SPAG16: variants seen among roughly 807,000 people sequenced by gnomAD.
SPAG16 encodes sperm associated antigen 16.
In SPAG16, 86 loss-of-function variants were observed where a neutral mutation model predicts 80.4. The ratio of observed to expected loss-of-function variants is 1.07; its 90% confidence interval spans 0.90 to 1.28. SPAG16 has a LOEUF of 1.28. Ranked by LOEUF, SPAG16 falls within the 50% of genes most tolerant of loss-of-function variation. The pLI, the probability that SPAG16 is intolerant of heterozygous loss-of-function variation, is 0.00. For missense variants in SPAG16, 870 were observed against 765.3 expected (o/e 1.14, Z -1.61); for synonymous variants, 294 against 265.9 (o/e 1.11, Z -1.03).
chr2:213,517,192 G>A (rs1438966729), intron 10 of SPAG16, among the ~76,000 whole-genome samples: 1 of 152,056 alleles, frequency 6.6e-6, no homozygotes. Flanking sequence ...CAAATCAAGA[G>A]CATGATAACA....
In SPAG16 at chr2:214,272,541, G is replaced by A. The variant is rs183329195; in HGVS notation, c.1720+123275G>A. Among the ~76,000 whole-genome samples the A allele has an allele frequency of 5.1e-3, 771 of 152,186 alleles. 5 individuals are homozygous for A. Among genetic ancestry groups the A allele is most frequent in the African/African-American group, 0.017 (720 of 41,534 alleles). On this transcript the variant is annotated intron_variant, in intron 15 of 15. Coordinates refer to ENST00000331683, the MANE Select transcript of SPAG16 (RefSeq NM_024532.5). ...CCACCTATGAGTGAGAACATGCGGCGTTTGGTTTTCTGTGCTTGTGTTAGT... is the reference window on the plus strand; with the variant it reads ...CCACCTATGAGTGAGAACATGCGGCATTTGGTTTTCTGTGCTTGTGTTAGT...
At chr2:214,391,079 CCTGA>C (rs1701055343) in intron 15 of SPAG16, among the ~76,000 whole-genome samples, 1 of 152,124 alleles carries the variant, frequency 6.6e-6, no homozygotes, top group Admixed American at 6.5e-5. Flanking sequence ...AAAATCATGA[CCTGA>C]CTGTTGACAG....
chr2:214,410,124 T>A lies in SPAG16; in HGVS notation c.1721-16T>A, dbSNP rs750306645. 6.2e-7 allele frequency: 1 copy of A among 1,612,910 alleles called. No individual in the cohort carries two copies. Among genetic ancestry groups the A allele is most frequent in the Non-Finnish European group, 8.5e-7 (1 of 1,178,936 alleles). ...TTTGATTCATTCTCTCTCTCTCTCC[T>A]CTCTGTCTCCCTCAGGTCGAGTTTT... is the stretch of plus-strand genomic sequence containing the variant. On this transcript the variant is annotated splice_polypyrimidine_tract_variant and intron_variant, in intron 15 of 15. Coordinates refer to ENST00000331683, the MANE Select transcript of SPAG16 (RefSeq NM_024532.5).
chr2:213,840,065 G>A (rs1326666749), intron 10 of SPAG16, among the ~76,000 whole-genome samples: 1 of 152,134 alleles, frequency 6.6e-6, no homozygotes, highest in Admixed American at 6.6e-5. Context: ...TTCTAAAGCA[G>A]GCCATTTCTG....
At position 213,747,177 on chromosome 2, in the gene SPAG16, A is replaced by G. The variant is rs143286213; in HGVS notation, c.1071-115308A>G. On this transcript the variant is annotated intron_variant, in intron 10 of 15. Coordinates refer to ENST00000331683, the MANE Select transcript of SPAG16 (RefSeq NM_024532.5). The stretch of plus-strand genomic sequence containing the variant: ...CTTTTAACAAAAAAGTTCAAGCAGT[A>G]AAAGATAACAGTTTTTAAAAATACA... Among the ~76,000 whole-genome samples, 1,390 of 152,324 alleles carry G rather than the reference A, an allele frequency of 9.1e-3. 15 individuals carry two copies. The highest frequency in any genetic ancestry group is 0.035 in the South Asian group (170 of 4,826).
intron 9 of SPAG16, among the ~76,000 whole-genome samples, chr2:213,468,562 G>A (rs59711456): frequency 2.5e-5 from 3 of 117,844 alleles, no homozygotes; most frequent in African/African-American, 1.4e-4. Context: ...TATATATAGA[G>A]ATATATATAT....
At position 214,155,508 on chromosome 2, in the gene SPAG16, C is replaced by CTT. The variant is rs766645682; in HGVS notation, c.1720+6253_1720+6254dup. On this transcript the variant is annotated intron_variant, in intron 15 of 15. Coordinates refer to ENST00000331683, the MANE Select transcript of SPAG16 (RefSeq NM_024532.5). ...TGGCCTGCAAAGTCTAAAAGATTTA[C>CTT]TTTTTTTTTTTTAAAGACGGGGTCC... is the stretch of plus-strand genomic sequence containing the variant. 4.8e-5 allele frequency among the ~76,000 whole-genome samples: 7 copies of CTT among 146,060 alleles called. No homozygotes were observed. The South Asian group carries it at 1.1e-3, about 23-fold the overall frequency.
At position 214,046,306 on chromosome 2, in the gene SPAG16, A is replaced by G. The variant is rs76783093; in HGVS notation, c.1527+32229A>G. Among the ~76,000 whole-genome samples the G allele has an allele frequency of 9.0e-3, 1,367 of 152,290 alleles. 20 individuals carry two copies. Among genetic ancestry groups the G allele is most frequent in the African/African-American group, 0.031 (1,308 of 41,566 alleles). Reference sequence around the variant, plus strand: ...AAATAATCCAAATCTTACTCAAACTATTTCCAAAAATATGTGAAGATGGAA... The same window carrying G: ...AAATAATCCAAATCTTACTCAAACTGTTTCCAAAAATATGTGAAGATGGAA... On this transcript the variant is annotated intron_variant, in intron 13 of 15. Transcript: ENST00000331683.
intron 13 of SPAG16, among the ~76,000 whole-genome samples, chr2:214,052,213 C>T (rs990613125): frequency 1.3e-5 from 2 of 152,190 alleles, no homozygotes; most frequent in African/African-American, 4.8e-5. Flanking sequence ...TCATTGTTCT[C>T]CACCTAGTAC....
At chr2:214,384,031 C>T (rs1315970900) in intron 15 of SPAG16, among the ~76,000 whole-genome samples, 4 of 152,150 alleles carry the variant, frequency 2.6e-5, no homozygotes, top group Non-Finnish European at 2.9e-5. Context: ...GGACCCAGAA[C>T]GCTTATGATA....
chr2:214,183,630 T>C (rs1288252259), intron 15 of SPAG16, among the ~76,000 whole-genome samples: 1 of 152,026 alleles, frequency 6.6e-6, no homozygotes, highest in Admixed American at 6.6e-5. Flanking sequence ...TGGCAAACCA[T>C]GATGAAAGGG....
chr2:214,326,663 C>T (rs558171417), intron 15 of SPAG16, among the ~76,000 whole-genome samples: 7 of 151,968 alleles, frequency 4.6e-5, no homozygotes, highest in South Asian at 2.1e-4. Context: ...ACAGTACTTC[C>T]GGCCGGGCGC....
At chr2:214,171,763 G>T (rs1364764106) in intron 15 of SPAG16, among the ~76,000 whole-genome samples, 2 of 151,864 alleles carry the variant, frequency 1.3e-5, no homozygotes. Context: ...ATGCTGATTT[G>T]CAACTGATAC....
intron 10 of SPAG16, among the ~76,000 whole-genome samples, chr2:213,686,329 AGCTG>A (rs1559375987): frequency 6.6e-6 from 1 of 152,116 alleles, no homozygotes; most frequent in Non-Finnish European, 1.5e-5. Flanking sequence ...ATATTGGCCA[AGCTG>A]ATCCAATCTC....
At chr2:213,872,140 A>G (rs2075978941) in intron 11 of SPAG16, among the ~76,000 whole-genome samples, 1 of 152,208 alleles carries the variant, frequency 6.6e-6, no homozygotes, top group Admixed American at 6.5e-5. Context: ...ATCTAGGTTG[A>G]CCCACTGTAA....
chr2:214,174,234 A>G (rs1010522463), intron 15 of SPAG16, among the ~76,000 whole-genome samples: 1 of 152,026 alleles, frequency 6.6e-6, no homozygotes, highest in Non-Finnish European at 1.5e-5. Context: ...GGCCAGGGCA[A>G]TTAGACAGGA....
intron 9 of SPAG16, among the ~76,000 whole-genome samples, chr2:213,384,812 C>T (rs2067342705): frequency 6.6e-6 from 1 of 152,164 alleles, no homozygotes; most frequent in African/African-American, 2.4e-5. Context: ...TGAACATTAC[C>T]ACTGTTGGCT....
Position 214,126,734 on chromosome 2 carries a change from A to G in SPAG16, c.1593+18473A>G, listed in dbSNP as rs982838751. ...ATCACAATAAATAAACAGATCTTAC[A>G]GATTGTGTATCTACATCATGTAATA... On this transcript the variant is annotated intron_variant, in intron 14 of 15. Coordinates refer to ENST00000331683, the MANE Select transcript of SPAG16 (RefSeq NM_024532.5). 6.6e-5 allele frequency among the ~76,000 whole-genome samples: 10 copies of G among 151,856 alleles called. No homozygotes were observed. In the East Asian group the frequency reaches 1.9e-3, roughly 29 times the overall value.
intron 9 of SPAG16, among the ~76,000 whole-genome samples, chr2:213,447,667 T>C (rs1380920458): frequency 2.0e-5 from 3 of 152,242 alleles, no homozygotes; most frequent in African/African-American, 4.8e-5. Context: ...ACATTCTGCT[T>C]TGTTTACCTC....
Sources: allele counts gnomAD v4.1 joint callset (sites outside exome capture counted in the v4.1 genomes callset), GRCh38; gene constraint gnomAD v4.1.1; transcripts MANE v1.5; gene names NCBI Gene and HGNC (gene_info 2026-07-23, HGNC 2026-07-21).